ADAMTS6: variants seen among roughly 807,000 people sequenced by gnomAD.
ADAMTS6 encodes the protein ADAM metallopeptidase with thrombospondin type 1 motif 6.
A neutral mutation model predicts 144.3 loss-of-function variants in ADAMTS6; 23 were observed. That is an observed-to-expected ratio of 0.16 (90% CI 0.11 to 0.23). ADAMTS6 has a LOEUF of 0.23. ADAMTS6 is among the 10% of genes least tolerant of loss of function. ADAMTS6 has a pLI of 1.00. For synonymous variants in ADAMTS6, 444 were observed against 457.5 expected, an observed-to-expected ratio of 0.97 and a Z score of 0.38; for missense variants, 999 against 1,379.6, an observed-to-expected ratio of 0.72 and a Z score of 4.37.
intron 10 of ADAMTS6, among the ~76,000 whole-genome samples, chr5:65,298,072 T>C (rs904829977): frequency 1.3e-5 from 2 of 152,206 alleles, no homozygotes; most frequent in African/African-American, 4.8e-5. Flanking sequence ...AATACTTTTA[T>C]GTCCCTCACC....
At chr5:65,395,203 T>G (rs991556367) in intron 7 of ADAMTS6, among the ~76,000 whole-genome samples, 3 of 152,154 alleles carry the variant, frequency 2.0e-5, no homozygotes, top group Admixed American at 1.3e-4. Context: ...ATATTAAACA[T>G]TATGCTCCTA....
intron 7 of ADAMTS6, among the ~76,000 whole-genome samples, chr5:65,365,762 T>C (rs1750248371): frequency 1.3e-5 from 2 of 152,174 alleles, no homozygotes; most frequent in Admixed American, 6.5e-5. Context: ...ATATCTTTTA[T>C]AGATGGTCAC....
chr5:65,170,870 CTT>C (rs1006964333), intron 23 of ADAMTS6, 97 bp from the exon 24 acceptor site: 138 of 1,057,620 alleles, frequency 1.3e-4, no homozygotes, highest in Middle Eastern at 2.4e-4. Context: ...ACAATATGAA[CTT>C]TTTTTTTTTT....
At chr5:65,273,191 G>A in intron 12 of ADAMTS6, 149 bp downstream of exon 12, 1 of 662,750 alleles carries the variant, frequency 1.5e-6, no homozygotes, top group South Asian at 2.3e-5. Context: ...AGCTACCAAG[G>A]TATGACAATT....
chr5:65,446,841 A>G (rs547580761), intron 7 of ADAMTS6, among the ~76,000 whole-genome samples: 1 of 152,280 alleles, frequency 6.6e-6, no homozygotes, highest in Admixed American at 6.5e-5. Flanking sequence ...ATGGAGGATG[A>G]CTTCCTTTGG....
chr5:65,275,339 GAA>G (rs1762386093), intron 11 of ADAMTS6, among the ~76,000 whole-genome samples: 4 of 119,512 alleles, frequency 3.3e-5, no homozygotes, highest in Admixed American at 9.9e-5. Flanking sequence ...AGAGAGAAAT[GAA>G]GAAAGAAAGA....
intron 7 of ADAMTS6, among the ~76,000 whole-genome samples, chr5:65,391,677 T>C (rs1278179799): frequency 6.6e-6 from 1 of 152,148 alleles, no homozygotes; most frequent in African/African-American, 2.4e-5. Flanking sequence ...TTAGCTGTCA[T>C]ATCTCTTTAG....
At chr5:65,160,086 T>C (rs1484956899) in intron 24 of ADAMTS6, among the ~76,000 whole-genome samples, 1 of 152,176 alleles carries the variant, frequency 6.6e-6, no homozygotes. Context: ...TTCTCAACAT[T>C]CTATCTGTGG....
chr5:65,453,487 T>G (rs531334118), intron 4 of ADAMTS6, among the ~76,000 whole-genome samples: 1 of 152,366 alleles, frequency 6.6e-6, no homozygotes, highest in African/African-American at 2.4e-5. Context: ...CAACTCTTTA[T>G]TCTGACAGAG....
At chr5:65,301,696 G>A (rs554285125) in intron 9 of ADAMTS6, among the ~76,000 whole-genome samples, 50 of 139,156 alleles carry the variant, frequency 3.6e-4, no homozygotes, top group African/African-American at 1.1e-3. Flanking sequence ...CGAGGGTGCC[G>A]GATAAACAGG....
rs74948867 is a variant in ADAMTS6 at position 65,196,164 on chromosome 5, A to G, written c.2705+858T>C. Among the ~76,000 whole-genome samples the G allele has an allele frequency of 1.0e-3, 156 of 152,332 alleles. No individual in the cohort carries two copies. The East Asian group carries it at 0.027, about 27-fold the overall frequency. ...ACACTCAGAATATAGGATGCCTTAC[A>G]ACAACAGAACTTTAAACTGGGTCAG... is the stretch of plus-strand genomic sequence containing the variant. On this transcript the variant is annotated intron_variant, in intron 21 of 24. Coordinates refer to ENST00000381055, the MANE Select transcript of ADAMTS6 (RefSeq NM_197941.4).
intron 11 of ADAMTS6, among the ~76,000 whole-genome samples, chr5:65,275,477 G>A (rs1290188697): frequency 6.7e-6 from 1 of 150,062 alleles, no homozygotes; most frequent in Non-Finnish European, 1.5e-5. Flanking sequence ...AGAAAGAAAG[G>A]GATCATGTAC....
intron 15 of ADAMTS6, among the ~76,000 whole-genome samples, chr5:65,240,061 A>G (rs1012160866): frequency 6.6e-6 from 1 of 152,244 alleles, no homozygotes. Context: ...AAATGTTCAT[A>G]GCAGTTTACT....
At chr5:65,435,671 G>A (rs1299358870) in intron 7 of ADAMTS6, among the ~76,000 whole-genome samples, 1 of 151,464 alleles carries the variant, frequency 6.6e-6, no homozygotes, top group Non-Finnish European at 1.5e-5. Context: ...CATTATTCAG[G>A]CTGGAGTACA....
intron 15 of ADAMTS6, among the ~76,000 whole-genome samples, chr5:65,230,958 A>C (rs1349095476): frequency 6.7e-6 from 1 of 149,418 alleles, no homozygotes; most frequent in African/African-American, 2.4e-5. Flanking sequence ...GGAAGACAGC[A>C]AAGAAAAATA....
intron 8 of ADAMTS6, among the ~76,000 whole-genome samples, chr5:65,333,446 T>C (rs1305715105): frequency 6.6e-6 from 1 of 152,086 alleles, no homozygotes; most frequent in Non-Finnish European, 1.5e-5. Context: ...TCCTCTCTTT[T>C]CACCTGTGGC....
chr5:65,343,252 A>G (rs1748021970), intron 7 of ADAMTS6, among the ~76,000 whole-genome samples: 1 of 152,164 alleles, frequency 6.6e-6, no homozygotes, highest in Non-Finnish European at 1.5e-5. Context: ...CATAAGCAAA[A>G]AGAACAAAGA....
intron 7 of ADAMTS6, among the ~76,000 whole-genome samples, chr5:65,388,824 G>C (rs1455829850): frequency 6.6e-6 from 1 of 152,136 alleles, no homozygotes; most frequent in Non-Finnish European, 1.5e-5. Context: ...TACTTTAATT[G>C]TCATAGCCAT....
intron 3 of ADAMTS6, among the ~76,000 whole-genome samples, chr5:65,466,887 A>C (rs1315656723): frequency 6.6e-6 from 1 of 152,120 alleles, no homozygotes; most frequent in South Asian, 2.1e-4. Flanking sequence ...CTAAAAACAC[A>C]AAAAATTAGC....
Sources: gnomAD v4.1 joint callset for allele counts (sites outside exome capture counted in the v4.1 genomes callset) on GRCh38, gnomAD v4.1.1 for gene constraint, MANE v1.5 for transcripts, NCBI Gene and HGNC (gene_info 2026-07-23, HGNC 2026-07-21) for gene names.